GRID2: variants seen among roughly 807,000 people sequenced by gnomAD.
GRID2 encodes the protein glutamate ionotropic receptor delta type subunit 2.
In GRID2, 33 loss-of-function variants were observed where a neutral mutation model predicts 114.8. The observed-to-expected ratio is 0.29, with a 90% CI of 0.22 to 0.38. The LOEUF (loss-of-function observed/expected upper bound fraction) is 0.38, where lower values mean the gene tolerates loss of function less well. Ranked by LOEUF, GRID2 falls within the 10% of genes least tolerant of loss-of-function variation. The pLI, the probability that GRID2 is intolerant of heterozygous loss-of-function variation, is 1.00. For missense variants in GRID2, 1,184 were observed against 1,257.7 expected (o/e 0.94, Z 0.89); for synonymous variants, 505 against 449.9 (o/e 1.12, Z -1.55).
intron 13 of GRID2, among the ~76,000 whole-genome samples, chr4:93,593,701 G>A (rs1197160152): frequency 2.0e-5 from 3 of 152,012 alleles, no homozygotes; most frequent in African/African-American, 4.8e-5. Context: ...CCAATCAGAC[G>A]TAGATTTGGT....
chr4:93,595,245 G>A (rs1259463397), intron 13 of GRID2, among the ~76,000 whole-genome samples: 5 of 152,148 alleles, frequency 3.3e-5, no homozygotes, highest in Admixed American at 6.5e-5. Flanking sequence ...GCATTTAGTT[G>A]TGGCCTCTCT....
intron 2 of GRID2, among the ~76,000 whole-genome samples, chr4:92,596,410 G>A (rs1728955722): frequency 6.6e-6 from 1 of 152,056 alleles, no homozygotes; most frequent in Non-Finnish European, 1.5e-5. Context: ...TTGTTGAACA[G>A]CCATCTCCAA....
At chr4:92,585,446 T>A (rs1338034696) in intron 1 of GRID2, among the ~76,000 whole-genome samples, 1 of 150,970 alleles carries the variant, frequency 6.6e-6, no homozygotes, top group African/African-American at 2.4e-5. Flanking sequence ...TTATTTGGAA[T>A]TATGAAATCC....
At chr4:93,568,467 C>A (rs1735638312) in intron 13 of GRID2, among the ~76,000 whole-genome samples, 1 of 152,050 alleles carries the variant, frequency 6.6e-6, no homozygotes. Flanking sequence ...CATGGGACAG[C>A]CTGAGCAACA....
At chr4:92,984,742 T>C (rs1412893351) in intron 2 of GRID2, among the ~76,000 whole-genome samples, 1 of 152,112 alleles carries the variant, frequency 6.6e-6, no homozygotes, top group Non-Finnish European at 1.5e-5. Context: ...GTGTTTGGTC[T>C]CTGGAGTCTC....
intron 1 of GRID2, among the ~76,000 whole-genome samples, chr4:92,352,803 C>T (rs1728135978): frequency 6.6e-6 from 1 of 150,646 alleles, no homozygotes; most frequent in East Asian, 1.9e-4. Flanking sequence ...TTTGTCTGTT[C>T]TGGATGGTAA....
chr4:92,750,049 C>A (rs192512174), intron 2 of GRID2, among the ~76,000 whole-genome samples: 1 of 152,088 alleles, frequency 6.6e-6, no homozygotes, highest in Non-Finnish European at 1.5e-5. Context: ...TTAGTAGAGA[C>A]AGGGTTTCTC....
At chr4:93,038,406 A>G (rs371747845) in intron 2 of GRID2, among the ~76,000 whole-genome samples, 1 of 152,216 alleles carries the variant, frequency 6.6e-6, no homozygotes, top group Non-Finnish European at 1.5e-5. Flanking sequence ...ACATATGAAA[A>G]AGAGTTCATC....
At chr4:93,244,621 A>C (rs62310366) in intron 8 of GRID2, among the ~76,000 whole-genome samples, 366 of 25,818 alleles carry the variant, frequency 0.014, 71 homozygotes, top group Non-Finnish European at 0.028. Context: ...AGATTATATA[A>C]TCTATTATAT....
chr4:93,234,737 A>G (rs979296782), intron 7 of GRID2, among the ~76,000 whole-genome samples: 5 of 148,962 alleles, frequency 3.4e-5, no homozygotes, highest in African/African-American at 1.2e-4. Flanking sequence ...TTTTCTGGTT[A>G]GGGGTTTTTC....
At chr4:93,601,159 A>G (rs1013459843) in intron 13 of GRID2, among the ~76,000 whole-genome samples, 2 of 152,232 alleles carry the variant, frequency 1.3e-5, no homozygotes, top group Non-Finnish European at 2.9e-5. Context: ...GTAAATTTGC[A>G]TGCTACAAAT....
intron 4 of GRID2, among the ~76,000 whole-genome samples, chr4:93,206,557 A>C (rs1233594549): frequency 6.6e-6 from 1 of 150,868 alleles, no homozygotes; most frequent in Non-Finnish European, 1.5e-5. Context: ...AAGATTTATT[A>C]GCGTAGAAAC....
At chr4:92,605,840 G>T (rs941004920) in intron 2 of GRID2, among the ~76,000 whole-genome samples, 1 of 151,918 alleles carries the variant, frequency 6.6e-6, no homozygotes, top group Admixed American at 6.6e-5. Flanking sequence ...ATCAGCTTTG[G>T]TTCCTTATAC....
chr4:93,385,215 G>C (rs946135806), intron 8 of GRID2, among the ~76,000 whole-genome samples: 1 of 152,118 alleles, frequency 6.6e-6, no homozygotes, highest in Non-Finnish European at 1.5e-5. Context: ...GTGTCATGTC[G>C]GTCTTAGCAT....
At chr4:93,521,343 A>T (rs895529519) in intron 13 of GRID2, among the ~76,000 whole-genome samples, 2 of 152,172 alleles carry the variant, frequency 1.3e-5, no homozygotes, top group Non-Finnish European at 1.5e-5. Flanking sequence ...AAAAACATAT[A>T]AACACAATTT....
chr4:92,819,080 T>C (rs1223864736), intron 2 of GRID2, among the ~76,000 whole-genome samples: 1 of 152,106 alleles, frequency 6.6e-6, no homozygotes, highest in East Asian at 1.9e-4. Context: ...AAAGCCCTTG[T>C]TTTATAAACT....
chr4:92,312,740 A>C (rs934230539), intron 1 of GRID2, among the ~76,000 whole-genome samples: 4 of 152,040 alleles, frequency 2.6e-5, no homozygotes, highest in Admixed American at 1.3e-4. Flanking sequence ...TATCATTGTA[A>C]ATATAGACTC....
At chr4:93,608,296 C>CTTTTTTTTTTTTTTTTTTTTTTTTTTT (rs774334616) in intron 13 of GRID2, among the ~76,000 whole-genome samples, 6 of 117,000 alleles carry the variant, frequency 5.1e-5, no homozygotes, top group South Asian at 2.7e-4. Context: ...ATTTTTTTTT[C>CTTTTTTTTTTTTTTTTTTTTTTTTTTT]TTTTTTTTTT....
chr4:93,695,803 C>A (rs1479996802), intron 14 of GRID2, among the ~76,000 whole-genome samples: 1 of 152,220 alleles, frequency 6.6e-6, no homozygotes, highest in African/African-American at 2.4e-5. Context: ...CTTAGCCTCT[C>A]TAAGCCGCTC....
Sources: allele counts gnomAD v4.1 joint callset (sites outside exome capture counted in the v4.1 genomes callset), GRCh38; gene constraint gnomAD v4.1.1; transcripts MANE v1.5; gene names NCBI Gene and HGNC (gene_info 2026-07-23, HGNC 2026-07-21).